Variants in LIMS4 observed in about 807,000 individuals in gnomAD.
LIMS4 encodes LIM zinc finger domain containing 4.
chr2:110,379,400 TC>T, the LIMS4 span, among the ~76,000 whole-genome samples: 1 of 135,280 alleles, frequency 7.4e-6, no homozygotes, highest in Non-Finnish European at 1.5e-5. Context: ...ATGCAAAAAC[TC>T]AGGGAGACTG....
At chr2:110,390,226 G>A in the LIMS4 span, among the ~76,000 whole-genome samples, 3 of 139,660 alleles carry the variant, frequency 2.1e-5, no homozygotes, top group Admixed American at 7.1e-5. Context: ...GCAGAGAGAG[G>A]CAGGGTGGTT....
At chr2:110,411,571 C>G in the LIMS4 span, among the ~76,000 whole-genome samples, 11 of 137,306 alleles carry the variant, frequency 8.0e-5, 1 homozygote, top group Non-Finnish European at 1.3e-4. Flanking sequence ...GTAAGCAGTT[C>G]AACACTCACG....
the LIMS4 span, chr2:110,399,805 A>ACAT: frequency 1.2e-5 from 1 of 83,180 alleles, no homozygotes; most frequent in Non-Finnish European, 2.3e-5. Context: ...ATCAGGCAGA[A>ACAT]CATCAGCACA....
the LIMS4 span, among the ~76,000 whole-genome samples, chr2:110,395,909 G>A: frequency 7.2e-6 from 1 of 139,276 alleles, no homozygotes; most frequent in Non-Finnish European, 1.5e-5. Flanking sequence ...TGGGCAAAGA[G>A]CTATAAAACC....
the LIMS4 span, among the ~76,000 whole-genome samples, chr2:110,395,860 C>A: frequency 3.1e-5 from 4 of 129,478 alleles, no homozygotes; most frequent in South Asian, 2.7e-4. Context: ...CTCCCACCGA[C>A]CTGTGCAGGG....
chr2:110,391,236 G>A, the LIMS4 span, among the ~76,000 whole-genome samples: 13 of 148,590 alleles, frequency 8.7e-5, no homozygotes, highest in East Asian at 4.0e-4. Flanking sequence ...TGCCCCACCC[G>A]TAACCGCCCG....
chr2:110,373,335 A>T, the LIMS4 span, among the ~76,000 whole-genome samples: 1 of 82,162 alleles, frequency 1.2e-5, no homozygotes, highest in African/African-American at 8.2e-5. Context: ...CCCTAGTACC[A>T]GCTCAAAGTG....
the LIMS4 span, among the ~76,000 whole-genome samples, chr2:110,368,896 T>G: frequency 1.4e-5 from 2 of 147,042 alleles, no homozygotes; most frequent in Non-Finnish European, 3.0e-5. Flanking sequence ...GTAAAGGTTT[T>G]TTTTTTTTTT....
the LIMS4 span, among the ~76,000 whole-genome samples, chr2:110,367,896 A>T: frequency 7.0e-6 from 1 of 143,746 alleles, no homozygotes; most frequent in East Asian, 2.0e-4. Flanking sequence ...AAGAAAAAAA[A>T]TTCTGGAACT....
At chr2:110,382,181 A>G in the LIMS4 span, among the ~76,000 whole-genome samples, 1 of 114,990 alleles carries the variant, frequency 8.7e-6, no homozygotes, top group African/African-American at 4.0e-5. Context: ...GTCAATAGTA[A>G]AAAAGAAAAT....
chr2:110,419,674 A>G, the LIMS4 span, among the ~76,000 whole-genome samples: 7 of 44,026 alleles, frequency 1.6e-4, no homozygotes, highest in Admixed American at 1.2e-3. Flanking sequence ...AAAAAAAAAA[A>G]AAAGAAAAAG....
chr2:110,425,247 C>A, the LIMS4 span, among the ~76,000 whole-genome samples: 1 of 143,350 alleles, frequency 7.0e-6, no homozygotes. Flanking sequence ...AAGAGCTGGG[C>A]ATGGTGGCAA....
chr2:110,390,945 C>T, the LIMS4 span, among the ~76,000 whole-genome samples: 3 of 152,410 alleles, frequency 2.0e-5, no homozygotes, highest in East Asian at 1.9e-4. Context: ...CTGGGGGCCA[C>T]TTCATGGTGG....
the LIMS4 span, chr2:110,397,463 TTAATGA>T: frequency 5.1e-5 from 7 of 137,556 alleles, 1 homozygote; most frequent in Admixed American, 7.3e-5. Context: ...GATGTAGGTA[TTAATGA>T]TAATGTAGAT....
the LIMS4 span, among the ~76,000 whole-genome samples, chr2:110,401,071 C>T: frequency 9.0e-4 from 102 of 113,536 alleles, no homozygotes; most frequent in Non-Finnish European, 1.0e-3. Flanking sequence ...GGCAGTAAGG[C>T]AGAGAGAGAG....
At chr2:110,359,618 C>T in the LIMS4 span, among the ~76,000 whole-genome samples, 17 of 21,798 alleles carry the variant, frequency 7.8e-4, no homozygotes, top group East Asian at 4.9e-3. Flanking sequence ...GAACAGGAAA[C>T]GCCAACTCTT....
chr2:110,442,407 A>AAATGG (rs1688150435), downstream of LIMS4, among the ~76,000 whole-genome samples: 1 of 54,892 alleles, frequency 1.8e-5, no homozygotes, highest in Non-Finnish European at 3.6e-5. Flanking sequence ...AACCTCAACT[A>AAATGG]AATGGGATTT....
At chr2:110,448,536 A>G (rs1688200425) in intron 8 of LIMS4, among the ~76,000 whole-genome samples, 1 of 149,120 alleles carries the variant, frequency 6.7e-6, no homozygotes, top group African/African-American at 2.4e-5. Context: ...TTTAGTAGAG[A>G]TGGGGTTTCA....
the LIMS4 span, among the ~76,000 whole-genome samples, chr2:110,411,615 T>C: frequency 7.6e-6 from 1 of 131,678 alleles, no homozygotes; most frequent in Non-Finnish European, 1.5e-5. Flanking sequence ...GCCCTCCAGG[T>C]AGAGAAAGGA....
Sources: gnomAD v4.1 joint callset for allele counts (sites outside exome capture counted in the v4.1 genomes callset) on GRCh38, gnomAD v4.1.1 for gene constraint, MANE v1.5 for transcripts, NCBI Gene and HGNC (gene_info 2026-07-23, HGNC 2026-07-21) for gene names.